Variants in ARHGAP18 observed in about 807,000 individuals in gnomAD.
ARHGAP18 encodes rho GTPase-activating protein 18.
Under a neutral mutation model 86.2 loss-of-function variants are expected in ARHGAP18, and 67 were observed. The observed-to-expected ratio is 0.78, with a 90% confidence interval of 0.64 to 0.95. The LOEUF is 0.95. ARHGAP18 is among the 40% of genes least tolerant of loss of function. The pLI, the probability that ARHGAP18 is intolerant of heterozygous loss-of-function variation, is 0.00. For synonymous variants in ARHGAP18, 283 were observed against 280.4 expected (o/e 1.01, Z -0.09); for missense variants, 691 against 780.4 (o/e 0.89, Z 1.37).
chr6:129,620,470 C>T (rs1171705635), intron 5 of ARHGAP18, among the ~76,000 whole-genome samples: 1 of 152,194 alleles, frequency 6.6e-6, no homozygotes, highest in African/African-American at 2.4e-5. Context: ...TCTCAAATAT[C>T]ATCTTTTAAT....
At chr6:129,701,352 A>C (rs1774707296) in intron 1 of ARHGAP18, among the ~76,000 whole-genome samples, 1 of 152,242 alleles carries the variant, frequency 6.6e-6, no homozygotes, top group Non-Finnish European at 1.5e-5. Flanking sequence ...TTTGTCCAGG[A>C]ATCTCACTAC....
intron 1 of ARHGAP18, among the ~76,000 whole-genome samples, chr6:129,649,497 T>C (rs1271826794): frequency 7.5e-6 from 1 of 132,690 alleles, no homozygotes; most frequent in Non-Finnish European, 1.5e-5. Context: ...GAGGTTGCAG[T>C]GAGCCAAGAT....
At chr6:129,643,556 CTT>C (rs989134987) in intron 1 of ARHGAP18, among the ~76,000 whole-genome samples, 3 of 152,118 alleles carry the variant, frequency 2.0e-5, no homozygotes, top group African/African-American at 7.2e-5. Flanking sequence ...TCAGGTATGT[CTT>C]TACAAGCAGC....
At chr6:129,688,915 C>T (rs1490252364) in intron 1 of ARHGAP18, among the ~76,000 whole-genome samples, 2 of 152,156 alleles carry the variant, frequency 1.3e-5, no homozygotes, top group African/African-American at 4.8e-5. Context: ...GCTAAGAGCA[C>T]TGCATCTAAC....
intron 1 of ARHGAP18, among the ~76,000 whole-genome samples, chr6:129,681,493 TCTA>T (rs1409798888): frequency 6.6e-6 from 1 of 152,232 alleles, no homozygotes; most frequent in Non-Finnish European, 1.5e-5. Context: ...ATAAGCCCCA[TCTA>T]CTTTCTTCTC....
rs1219195047 is a variant in ARHGAP18 at position 129,577,586 on chromosome 6, T to C, written c.*927A>G. The C allele has an allele frequency of 6.8e-6, 1 of 147,788 alleles. No homozygotes were observed. Among genetic ancestry groups the C allele is most frequent in the Non-Finnish European group, 1.5e-5 (1 of 66,530 alleles). 9.2% of individuals were successfully genotyped at this position (147,788 alleles called of 1,614,324 possible). On this transcript the variant is annotated 3_prime_UTR_variant, in exon 15 of 15. Transcript: ENST00000368149. ...TCTTCCAGTAGACTTATTCAGGACT[T>C]AAAAAAAAAAATCCCTCTTTAAGTA...
intron 1 of ARHGAP18, among the ~76,000 whole-genome samples, chr6:129,662,582 AT>A (rs1301348009): frequency 5.9e-5 from 9 of 152,214 alleles, no homozygotes; most frequent in Non-Finnish European, 1.3e-4. Context: ...CCTTCGAGTG[AT>A]ACTGAATGCC....
chr6:129,593,115 C>T (rs1788550342), intron 12 of ARHGAP18, among the ~76,000 whole-genome samples: 1 of 152,144 alleles, frequency 6.6e-6, no homozygotes, highest in Non-Finnish European at 1.5e-5. Context: ...GAGTCTGACT[C>T]AGTGGGTCTA....
chr6:129,687,170 G>C (rs1459308456), intron 1 of ARHGAP18, among the ~76,000 whole-genome samples: 2 of 151,800 alleles, frequency 1.3e-5, no homozygotes, highest in African/African-American at 2.4e-5. Flanking sequence ...TGAGATGACA[G>C]TTGGCTACAG....
intron 1 of ARHGAP18, chr6:129,661,753 C>A: frequency 2.2e-6 from 1 of 459,188 alleles, no homozygotes; most frequent in Non-Finnish European, 2.9e-6. Flanking sequence ...TGTCTCTAAA[C>A]TCTCCCTTGA....
In ARHGAP18 at chr6:129,626,672, TACACACACAC is replaced by T. The variant is rs66753341; in HGVS notation, c.786+2671_786+2680del. Among the ~76,000 whole-genome samples the T allele has an allele frequency of 2.2e-3, 326 of 147,104 alleles. 1 individual carries two copies. Among genetic ancestry groups the T allele is most frequent in the African/African-American group, 7.5e-3 (299 of 39,794 alleles). On this transcript the variant is annotated intron_variant, in intron 5 of 14. Coordinates refer to ENST00000368149, the MANE Select transcript of ARHGAP18 (RefSeq NM_033515.3). ...GATGTACCCCCAAAACACACACACA[TACACACACAC>T]ACACACACACACACACAGACAAATA...
In ARHGAP18 at chr6:129,611,751, C is replaced by G. The variant is rs79352995; in HGVS notation, c.1045-141G>C. ...TTATGAGGTTTTGAATGCTATTTTACTACCACTGTCCTTCAAAACAATAAG... is the reference window on the plus strand; with the variant it reads ...TTATGAGGTTTTGAATGCTATTTTAGTACCACTGTCCTTCAAAACAATAAG... On this transcript the variant is annotated intron_variant, in intron 7 of 14. Coordinates refer to ENST00000368149, the MANE Select transcript of ARHGAP18 (RefSeq NM_033515.3). The G allele has an allele frequency of 6.3e-4, 393 of 625,296 alleles. 2 individuals carry two copies. Among genetic ancestry groups the G allele is most frequent in the African/African-American group, 6.0e-3 (324 of 53,924 alleles). 38.7% of individuals were successfully genotyped at this position (625,296 alleles called of 1,614,324 possible). A position where few individuals can be genotyped will look rare whatever the true frequency, so the allele number is the denominator to read the frequency against.
At chr6:129,690,214 C>T (rs2114546064) in intron 1 of ARHGAP18, among the ~76,000 whole-genome samples, 1 of 152,082 alleles carries the variant, frequency 6.6e-6, no homozygotes, top group Non-Finnish European at 1.5e-5. Context: ...ATTCATAATA[C>T]TTATATTATC....
chr6:129,648,146 C>T (rs1399039022), intron 1 of ARHGAP18, among the ~76,000 whole-genome samples: 1 of 151,848 alleles, frequency 6.6e-6, no homozygotes, highest in African/African-American at 2.4e-5. Flanking sequence ...GAATTCTTTT[C>T]CAATGCACTT....
intron 12 of ARHGAP18, 95 bp from the exon 13 acceptor site, chr6:129,584,207 C>T: frequency 6.7e-7 from 1 of 1,483,240 alleles, no homozygotes; most frequent in Non-Finnish European, 9.0e-7. Flanking sequence ...AACTACTACG[C>T]ATTTTACTTC....
At chr6:129,687,477 A>T (rs1774450210) in intron 1 of ARHGAP18, among the ~76,000 whole-genome samples, 1 of 152,168 alleles carries the variant, frequency 6.6e-6, no homozygotes, top group South Asian at 2.1e-4. Flanking sequence ...TCATCAGGAC[A>T]CCTGGGCTCA....
At chr6:129,666,022 A>G (rs1411990855) in intron 1 of ARHGAP18, among the ~76,000 whole-genome samples, 2 of 152,122 alleles carry the variant, frequency 1.3e-5, no homozygotes, top group Non-Finnish European at 2.9e-5. Context: ...TACATTAAAA[A>G]TATAAATTAA....
intron 9 of ARHGAP18, among the ~76,000 whole-genome samples, chr6:129,606,437 G>C (rs1451886258): frequency 1.3e-5 from 2 of 152,134 alleles, no homozygotes; most frequent in African/African-American, 4.8e-5. Flanking sequence ...GCTTATAAAT[G>C]CCTGTGGAAT....
rs1048557931 is a variant in ARHGAP18 at position 129,599,287 on chromosome 6, T to C, written c.1642A>G (p.Met548Val). The C allele has an allele frequency of 6.3e-7, 1 of 1,598,604 alleles. No homozygotes were observed. The highest frequency in any genetic ancestry group is 8.5e-7 in the Non-Finnish European group (1 of 1,174,410). The part of the protein sequence containing the change: ...TENHKKDKRA[M>V]KKLLKKMAYD... The stretch of plus-strand genomic sequence containing the variant: ...GCCATTTTCTTCAGCAATTTCTTCA[T>C]GGCTCTTTTATCCTTTTTATGATTT... Residue 548 changes from methionine to valine, a missense_variant, in exon 12 of 15, where the codon ATG (methionine) becomes GTG (valine). By Grantham distance (21) the Met-to-Val change is conservative. Transcript: ENST00000368149.
Sources: allele counts gnomAD v4.1 joint callset (sites outside exome capture counted in the v4.1 genomes callset), GRCh38; gene constraint gnomAD v4.1.1; transcripts MANE v1.5; gene names NCBI Gene and HGNC (gene_info 2026-07-23, HGNC 2026-07-21).